FBLN7: variants seen among roughly 807,000 people sequenced by gnomAD.
The protein encoded by FBLN7 is fibulin-7.
A neutral mutation model predicts 44.0 loss-of-function variants in FBLN7; 31 were observed. The ratio of observed to expected loss-of-function variants is 0.70; its 90% CI spans 0.53 to 0.95. The LOEUF (loss-of-function observed/expected upper bound fraction) is 0.95, where lower values mean the gene tolerates loss of function less well. FBLN7 is among the 40% of genes least tolerant of loss of function. FBLN7 has a pLI of 0.00. For missense variants in FBLN7, 573 were observed against 618.5 expected, an observed-to-expected ratio of 0.93 and a Z score of 0.78; for synonymous variants, 262 against 253.4, an observed-to-expected ratio of 1.03 and a Z score of -0.32.
chr2:112,230,302 ACTG>A, the FBLN7 span, among the ~76,000 whole-genome samples: 1 of 152,200 alleles, frequency 6.6e-6, no homozygotes, highest in Non-Finnish European at 1.5e-5. Flanking sequence ...TGAGAAAAAA[ACTG>A]ATATTATATT....
chr2:112,165,244 G>A, intron 3 of FBLN7, 73 bp downstream of exon 3: 2 of 1,520,496 alleles, frequency 1.3e-6, no homozygotes, highest in Non-Finnish European at 1.8e-6. Flanking sequence ...CATAGAAAGG[G>A]TCATTCCTTG....
chr2:112,158,789 G>A (rs1681570383), intron 1 of FBLN7, among the ~76,000 whole-genome samples: 1 of 151,896 alleles, frequency 6.6e-6, no homozygotes, highest in African/African-American at 2.4e-5. Context: ...TGCACAGGCT[G>A]GTCTCGAACT....
intron 1 of FBLN7, among the ~76,000 whole-genome samples, chr2:112,139,875 C>T (rs1209489073): frequency 1.2e-5 from 1 of 85,602 alleles, no homozygotes. Context: ...TCCCGCCTCT[C>T]TCCAGGCCAG....
At chr2:112,139,989 C>A in intron 1 of FBLN7, among the ~76,000 whole-genome samples, 1 of 49,280 alleles carries the variant, frequency 2.0e-5, no homozygotes, top group South Asian at 1.2e-3. Flanking sequence ...TCCAGGCCAG[C>A]GTCCCTCCCG....
At chr2:112,171,756 A>G (rs1375887395) in intron 3 of FBLN7, among the ~76,000 whole-genome samples, 1 of 152,118 alleles carries the variant, frequency 6.6e-6, no homozygotes, top group Admixed American at 6.5e-5. Flanking sequence ...GTAACTCTTT[A>G]TGATTAGGAA....
At chr2:112,193,364 C>T in the FBLN7 span, among the ~76,000 whole-genome samples, 2 of 152,176 alleles carry the variant, frequency 1.3e-5, no homozygotes, top group Non-Finnish European at 2.9e-5. Flanking sequence ...CACTTGAACT[C>T]AGGAGGTGGA....
chr2:112,239,927 C>T, the FBLN7 span, among the ~76,000 whole-genome samples: 1 of 152,230 alleles, frequency 6.6e-6, no homozygotes, highest in Admixed American at 6.5e-5. Context: ...AGGAGTTGTT[C>T]CACCAGAGGA....
chr2:112,238,335 CCTT>C, the FBLN7 span: 5 of 1,613,604 alleles, frequency 3.1e-6, no homozygotes, highest in East Asian at 2.2e-5. Context: ...ATCTTTTACT[CCTT>C]CTTTCTTTGT....
At chr2:112,167,330 T>C (rs10189625) in intron 3 of FBLN7, among the ~76,000 whole-genome samples, 85,519 of 152,038 alleles carry the variant, frequency 0.56, 24,718 homozygotes, top group Middle Eastern at 0.75. Context: ...CAAAGGAACA[T>C]GTGGTTACTT....
At chr2:112,240,763 C>A in the FBLN7 span, among the ~76,000 whole-genome samples, 6 of 152,162 alleles carry the variant, frequency 3.9e-5, no homozygotes, top group East Asian at 1.2e-3. Context: ...TAATTGAATA[C>A]TTTTCTTCAC....
intron 6 of FBLN7, among the ~76,000 whole-genome samples, chr2:112,184,498 C>G (rs1683150991): frequency 6.6e-6 from 1 of 151,968 alleles, no homozygotes; most frequent in Non-Finnish European, 1.5e-5. Flanking sequence ...GGGACGGCCT[C>G]CAGCTGGGGA....
At chr2:112,244,044 T>C in the FBLN7 span, among the ~76,000 whole-genome samples, 25 of 134,778 alleles carry the variant, frequency 1.9e-4, no homozygotes, top group South Asian at 4.2e-4. Flanking sequence ...ATAAGAGATA[T>C]GTCTCATATA....
At chr2:112,181,981 C>T in intron 5 of FBLN7, 105 bp downstream of exon 5, 2 of 1,392,994 alleles carry the variant, frequency 1.4e-6, no homozygotes, top group African/African-American at 1.5e-5. Context: ...TGGCTTCCTG[C>T]GCGCGGTCTC....
At chr2:112,238,179 T>C in the FBLN7 span, 3 of 906,418 alleles carry the variant, frequency 3.3e-6, no homozygotes, top group African/African-American at 3.4e-5. Context: ...TGCAAGCTCA[T>C]GTCTGGTATA....
At chr2:112,143,142 G>A (rs184171449) in intron 1 of FBLN7, among the ~76,000 whole-genome samples, 2 of 152,266 alleles carry the variant, frequency 1.3e-5, no homozygotes, top group Admixed American at 1.3e-4. Context: ...TTTTGTCACT[G>A]GCTGATGAAG....
At chr2:112,184,588 G>C (rs1404995954) in intron 6 of FBLN7, among the ~76,000 whole-genome samples, 1 of 151,716 alleles carries the variant, frequency 6.6e-6, no homozygotes, top group African/African-American at 2.4e-5. Flanking sequence ...CATGGGGTGA[G>C]GCTGGCAGGG....
the FBLN7 span, among the ~76,000 whole-genome samples, chr2:112,244,064 GAATA>G: frequency 2.1e-5 from 3 of 140,090 alleles, no homozygotes; most frequent in Admixed American, 2.1e-4. Flanking sequence ...AAAAGGATAT[GAATA>G]AATAATCTCA....
chr2:112,234,962 T>C, the FBLN7 span, among the ~76,000 whole-genome samples: 2 of 151,664 alleles, frequency 1.3e-5, no homozygotes, highest in African/African-American at 4.8e-5. Flanking sequence ...TGGGTGTGAG[T>C]TGAGCACACT....
intron 4 of FBLN7, among the ~76,000 whole-genome samples, chr2:112,179,058 C>G (rs1020424946): frequency 6.6e-6 from 1 of 152,218 alleles, no homozygotes; most frequent in African/African-American, 2.4e-5. Flanking sequence ...TCTCTGTTTG[C>G]AGATGACATG....
Sources: gnomAD v4.1 joint callset for allele counts (sites outside exome capture counted in the v4.1 genomes callset) on GRCh38, gnomAD v4.1.1 for gene constraint, MANE v1.5 for transcripts, NCBI Gene and HGNC (gene_info 2026-07-23, HGNC 2026-07-21) for gene names.